The following CPLANE1 variants were observed in gnomAD, a reference collection of about 807,000 sequenced individuals.
CPLANE1 encodes ciliogenesis and planar polarity effector complex subunit 1.
A neutral mutation model predicts 362.5 loss-of-function variants in CPLANE1; 263 were observed. The observed-to-expected ratio is 0.73, with a 90% CI of 0.66 to 0.80. CPLANE1 has a LOEUF of 0.80. Among genes scored for constraint, CPLANE1 ranks in the 30% least tolerant of loss-of-function variants. The probability of loss-of-function intolerance (pLI) is 0.00; values close to 1 mark genes in which losing one functional copy is unlikely to be tolerated. For synonymous variants in CPLANE1, 1,212 were observed against 1,302.6 expected (o/e 0.93, Z 1.50); for missense variants, 3,461 against 3,793.4 (o/e 0.91, Z 2.30).
chr5:37,163,005 T>A (rs1344248123), intron 37 of CPLANE1, among the ~76,000 whole-genome samples: 1 of 152,182 alleles, frequency 6.6e-6, no homozygotes, highest in Non-Finnish European at 1.5e-5. Context: ...CAATGAAGTG[T>A]TATGTAAGTT....
chr5:37,208,521 C>CA (rs1791502090), intron 16 of CPLANE1, among the ~76,000 whole-genome samples: 1 of 152,168 alleles, frequency 6.6e-6, no homozygotes, highest in Non-Finnish European at 1.5e-5. Flanking sequence ...ACTAAAAATA[C>CA]AAAAAATTAG....
At chr5:37,112,770 C>T (rs1561287002) in intron 51 of CPLANE1, among the ~76,000 whole-genome samples, 1 of 152,160 alleles carries the variant, frequency 6.6e-6, no homozygotes, top group Non-Finnish European at 1.5e-5. Flanking sequence ...TAGCTAAGCA[C>T]TTAAGCTAGA....
At chr5:37,076,278 G>C in the CPLANE1 span, among the ~76,000 whole-genome samples, 1 of 150,724 alleles carries the variant, frequency 6.6e-6, no homozygotes, top group Non-Finnish European at 1.5e-5. Context: ...GAAAAGAAAA[G>C]AGAAAATTTG....
the CPLANE1 span, among the ~76,000 whole-genome samples, chr5:37,087,984 G>A: frequency 3.9e-5 from 6 of 152,124 alleles, no homozygotes; most frequent in East Asian, 3.9e-4. Flanking sequence ...TCAGGTGGCC[G>A]GCCAAGACAT....
At chr5:37,118,128 C>T (rs144229976) in intron 50 of CPLANE1, among the ~76,000 whole-genome samples, 1 of 152,206 alleles carries the variant, frequency 6.6e-6, no homozygotes, top group Non-Finnish European at 1.5e-5. Context: ...GGCATGATAG[C>T]TCACACCTGT....
At chr5:37,142,767 C>A (rs1437548699) in intron 43 of CPLANE1, 1 of 184,546 alleles carries the variant, frequency 5.4e-6, no homozygotes, top group Non-Finnish European at 1.1e-5. Flanking sequence ...TAATATACGA[C>A]CAATCTTTCT....
In CPLANE1 at chr5:37,162,477, T is replaced by C. The variant is rs1271387050; in HGVS notation, c.7678A>G (p.Asn2560Asp). 7.5e-6 allele frequency: 12 copies of C among 1,606,156 alleles called. No homozygotes were observed. The highest frequency in any genetic ancestry group is 1.0e-5 in the Non-Finnish European group (12 of 1,173,366). ...AAACAGCATTTACCTGGGTCTGTAT[T>C]TGTACTTGCATCTTGACTTCCTATA... is the stretch of plus-strand genomic sequence containing the variant. Reference protein sequence around the residue: ...KAIGSQDASTNTDPEHEPLTA... With the variant: ...KAIGSQDASTDTDPEHEPLTA... Residue 2560 changes from asparagine (N) to aspartate (D), a missense_variant, in exon 38 of 53, where the codon AAT becomes GAT. Coordinates refer to ENST00000651892, the MANE Select transcript of CPLANE1 (RefSeq NM_001384732.1).
intron 16 of CPLANE1, chr5:37,210,622 T>A (rs746192437): frequency 3.4e-5 from 55 of 1,598,492 alleles, no homozygotes; most frequent in Non-Finnish European, 4.6e-5. Context: ...TCTTTGGCAA[T>A]AACAAAACAA....
intron 6 of CPLANE1, among the ~76,000 whole-genome samples, chr5:37,240,283 G>T (rs1024175248): frequency 8.5e-5 from 13 of 152,134 alleles, no homozygotes; most frequent in Non-Finnish European, 1.6e-4. Context: ...CCGGGAGGCG[G>T]AGGTCGCAGT....
rs115127802 is a variant in CPLANE1 at position 37,137,946 on chromosome 5, T to C, written c.8792+774A>G. 7.2e-4 allele frequency among the ~76,000 whole-genome samples: 109 copies of C among 152,060 alleles called. 1 individual carries two copies. Among genetic ancestry groups the C allele is most frequent in the African/African-American group, 2.6e-3 (108 of 41,478 alleles). The stretch of plus-strand genomic sequence containing the variant: ...TTTTTTTTTTTTAATTTATTGAGAC[T>C]TGCTTTAAGGCCAAGCATTTGGTCG... On this transcript the variant is annotated intron_variant, in intron 46 of 52. Transcript: ENST00000651892.
chr5:37,239,977 A>G (rs1223691600), intron 6 of CPLANE1, 108 bp from the exon 7 acceptor site: 2 of 686,984 alleles, frequency 2.9e-6, no homozygotes, highest in African/African-American at 3.6e-5. Flanking sequence ...ACATGTGCAC[A>G]TGTACTTAGG....
the CPLANE1 span, among the ~76,000 whole-genome samples, chr5:37,078,734 T>C: frequency 1.3e-5 from 2 of 151,662 alleles, no homozygotes; most frequent in Non-Finnish European, 2.9e-5. Context: ...TTTTTTGACA[T>C]TTTAATAATT....
At chr5:37,084,770 TTAAAAAAAGATATCTTTTTTTTTAAA>T in the CPLANE1 span, among the ~76,000 whole-genome samples, 83 of 151,244 alleles carry the variant, frequency 5.5e-4, 1 homozygote, top group Admixed American at 4.1e-3. Flanking sequence ...GACTCTGTCT[TTAAAAAAAGATATCTTTTTTTTTAAA>T]AAAAAAAAGA....
intron 51 of CPLANE1, among the ~76,000 whole-genome samples, chr5:37,109,192 T>C (rs1758415103): frequency 1.3e-5 from 2 of 152,160 alleles, no homozygotes; most frequent in South Asian, 4.1e-4. Context: ...CAAGCAGTCA[T>C]GTGGCTCCCT....
chr5:37,124,481 T>A (rs562152240), intron 47 of CPLANE1, among the ~76,000 whole-genome samples: 35 of 152,314 alleles, frequency 2.3e-4, no homozygotes, highest in Admixed American at 2.2e-3. Context: ...GATACATGAC[T>A]GGACAATAAT....
chr5:37,240,080 G>A (rs908132826), intron 6 of CPLANE1, among the ~76,000 whole-genome samples: 1 of 151,998 alleles, frequency 6.6e-6, no homozygotes, highest in Non-Finnish European at 1.5e-5. Context: ...GGCTGGGCAC[G>A]GTAGCTCACA....
At chr5:37,127,822 T>A (rs575892931) in intron 46 of CPLANE1, among the ~76,000 whole-genome samples, 1 of 152,146 alleles carries the variant, frequency 6.6e-6, no homozygotes, top group African/African-American at 2.4e-5. Context: ...AGCCATTATT[T>A]AATTAAATTT....
the CPLANE1 span, among the ~76,000 whole-genome samples, chr5:37,084,528 C>T: frequency 6.6e-6 from 1 of 152,056 alleles, no homozygotes; most frequent in South Asian, 2.1e-4. Context: ...ACCTGTAATC[C>T]CAGCACTTTG....
In CPLANE1 at chr5:37,169,308, A is replaced by C. The variant is rs1405851308; in HGVS notation, c.6716T>G (p.Leu2239Arg). The C allele has an allele frequency of 1.9e-6, 3 of 1,614,200 alleles. No homozygotes were observed. The highest frequency in any genetic ancestry group is 2.5e-6 in the Non-Finnish European group (3 of 1,180,034). The change falls in exon 34 of 53, where the codon CTT (leucine) becomes CGT (arginine). Residue 2239 changes from leucine to arginine, a missense_variant. Physicochemically the swap from Leu to Arg is moderately radical, Grantham distance 102 (BLOSUM62 -2). Around this residue, in one of 2 missense-constraint regions of CPLANE1, gnomAD observed 3,380 missense variants for 3,666.1 expected, o/e 0.92. Coordinates refer to ENST00000651892, the MANE Select transcript of CPLANE1 (RefSeq NM_001384732.1). ...QFKSKQEFQP[L>R]FLHTGSIPQV... is the part of the protein sequence containing the mutation. ...TGGAATACTTCCTGTATGTAAGAAA[A>C]GGGGCTGGAATTCTTGTTTAGACTT... is the stretch of plus-strand genomic sequence containing the variant.
Sources: gnomAD v4.1 joint callset for allele counts (sites outside exome capture counted in the v4.1 genomes callset) on GRCh38, gnomAD v4.1.1 for gene constraint, gnomAD v4.1.1 regional missense constraint, MANE v1.5 for transcripts, NCBI Gene and HGNC (gene_info 2026-07-23, HGNC 2026-07-21) for gene names.